Variants in SLC2A14 observed in about 807,000 individuals in gnomAD.
SLC2A14 encodes solute carrier family 2, facilitated glucose transporter member 14.
A neutral mutation model predicts 43.0 loss-of-function variants in SLC2A14; 13 were observed. The ratio of observed to expected loss-of-function variants is 0.30; its 90% CI spans 0.20 to 0.48. The LOEUF (loss-of-function observed/expected upper bound fraction) is 0.48, where lower values mean the gene tolerates loss of function less well. SLC2A14 is among the 20% of genes least tolerant of loss of function. The pLI, the probability that SLC2A14 is intolerant of heterozygous loss-of-function variation, is 0.99. For missense variants in SLC2A14, 428 were observed against 620.4 expected (o/e 0.69, Z 3.29); for synonymous variants, 190 against 233.8 (o/e 0.81, Z 1.71).
rs1863274034 is a variant in SLC2A14 at position 7,814,595 on chromosome 12, T to A, written c.1276-61A>T. The A allele has an allele frequency of 9.1e-6, 14 of 1,530,174 alleles. No homozygotes were observed. The South Asian group carries it at 1.6e-4, about 17-fold the overall frequency. 94.8% of individuals were successfully genotyped at this position (1,530,174 alleles called of 1,614,324 possible). On this transcript the variant is annotated intron_variant, in intron 10 of 10. Transcript: ENST00000431042. The stretch of plus-strand genomic sequence containing the variant: ...AAAATCTGGTCATTGACAAATACAA[T>A]TTCCTTCACATTCATATTTCCAATA...
chr12:7,831,675 A>C lies in SLC2A14; in HGVS notation c.201T>G (p.Ser67=), dbSNP rs1366670535. The change falls in exon 4 of 11, where the codon TCT becomes TCG. Residue 67 remains serine (S), a synonymous_variant. Coordinates refer to ENST00000431042, the MANE Select transcript of SLC2A14 (RefSeq NM_001286234.2). The part of the protein sequence containing the change: ...EVLLTNLWSL[S]VAIFSVGGMI... ...TACCCCCGACGGAAAATATGGCCAC[A>C]GACAAGGACCAGAGATTCGTGAGCA... 1 of 1,614,228 alleles carries C rather than the reference A, an allele frequency of 6.2e-7. No individual in the cohort carries two copies. The highest frequency in any genetic ancestry group is 2.2e-5 in the East Asian group (1 of 44,892).
chr12:7,880,390 G>A (rs1293751076), intron 1 of SLC2A14, among the ~76,000 whole-genome samples: 2 of 149,622 alleles, frequency 1.3e-5, no homozygotes, highest in African/African-American at 2.5e-5. Context: ...CAGGAGAATC[G>A]CTTGAACCCA....
chr12:7,826,875 TTC>T (rs1270285041), intron 7 of SLC2A14, among the ~76,000 whole-genome samples: 1,345 of 57,870 alleles, frequency 0.023, 131 homozygotes, highest in East Asian at 0.061. Context: ...CTTTCTTTCT[TTC>T]TTTCTTTCTT....
At chr12:7,851,211 T>A (rs922110256) in intron 2 of SLC2A14, among the ~76,000 whole-genome samples, 1 of 152,206 alleles carries the variant, frequency 6.6e-6, no homozygotes, top group African/African-American at 2.4e-5. Context: ...GTCTCAGTTC[T>A]CTAATTCTAG....
At chr12:7,881,489 A>C (rs1310094361) in intron 1 of SLC2A14, among the ~76,000 whole-genome samples, 5 of 151,878 alleles carry the variant, frequency 3.3e-5, no homozygotes, top group African/African-American at 1.2e-4. Flanking sequence ...GCTGCACTCG[A>C]TTTCTCCCCA....
rs778106607 is a variant in SLC2A14, at chr12:7,848,551, A to G, written c.19-15737T>C. Among the ~76,000 whole-genome samples the G allele has an allele frequency of 1.4e-3, 140 of 96,998 alleles. 1 individual carries two copies. The highest frequency in any genetic ancestry group is 4.9e-3 in the African/African-American group (127 of 25,880). 63.6% of individuals were successfully genotyped at this position (96,998 alleles called of 152,430 possible). On this transcript the variant is annotated intron_variant, in intron 2 of 10. Coordinates refer to ENST00000431042, the MANE Select transcript of SLC2A14 (RefSeq NM_001286234.2). Reference sequence around the variant, plus strand: ...CTAGCCACAAATTCTGCTTTTTCCAATTCCATTTTTTTTTTTTTTTGAGAC... The same window carrying G: ...CTAGCCACAAATTCTGCTTTTTCCAGTTCCATTTTTTTTTTTTTTTGAGAC...
chr12:7,883,411 C>T (rs1308212790), intron 1 of SLC2A14, among the ~76,000 whole-genome samples: 7 of 150,252 alleles, frequency 4.7e-5, no homozygotes, highest in African/African-American at 1.5e-4. Context: ...GGATTACAGG[C>T]GCCCGCCACC....
chr12:7,830,042 A>G, intron 4 of SLC2A14, 36 bp from the exon 5 acceptor site: 5 of 1,612,406 alleles, frequency 3.1e-6, no homozygotes, highest in Non-Finnish European at 4.2e-6. Flanking sequence ...GGAATTAGCA[A>G]AGTGAGAGGC....
chr12:7,817,820 A>G lies in SLC2A14; in HGVS notation c.1275+11T>C. Reference sequence around the variant, plus strand: ...GATACATAGATACATAGATAAGGTGAGTTTACTTACAGCAGCAGAGGGGAA... The same window carrying G: ...GATACATAGATACATAGATAAGGTGGGTTTACTTACAGCAGCAGAGGGGAA... On this transcript the variant is annotated intron_variant, in intron 10 of 10. Transcript: ENST00000431042. 6.2e-7 allele frequency: 1 copy of G among 1,614,046 alleles called. No individual in the cohort carries two copies. The highest frequency in any genetic ancestry group is 8.5e-7 in the Non-Finnish European group (1 of 1,179,934).
At chr12:7,855,773 GATTAC>G (rs1867314522) in intron 2 of SLC2A14, among the ~76,000 whole-genome samples, 1 of 151,722 alleles carries the variant, frequency 6.6e-6, no homozygotes, top group Non-Finnish European at 1.5e-5. Context: ...GAGTAGCTGG[GATTAC>G]AGGCTCACTC....
intron 8 of SLC2A14, among the ~76,000 whole-genome samples, chr12:7,820,471 C>A (rs6488684): frequency 0.99 from 150,752 of 152,210 alleles, 74,668 homozygotes; most frequent in Middle Eastern, 1. Flanking sequence ...AACCTGTGAG[C>A]TCTGATGCTA....
rs1259222785 is a variant in SLC2A14, at chr12:7,855,077, G to A, written c.18+14786C>T. On this transcript the variant is annotated intron_variant, in intron 2 of 10. Coordinates refer to ENST00000431042, the MANE Select transcript of SLC2A14 (RefSeq NM_001286234.2). The stretch of plus-strand genomic sequence containing the variant: ...CCCACCTCGGCCTCCCAAAGGGCTG[G>A]GATTACAGGCATGAGCCACCGCATC... Among the ~76,000 whole-genome samples, 7 of 152,008 alleles carry A rather than the reference G, an allele frequency of 4.6e-5. No homozygotes were observed. In the East Asian group the frequency reaches 1.4e-3, roughly 29 times the overall value.
intron 1 of SLC2A14, among the ~76,000 whole-genome samples, chr12:7,881,880 A>G (rs7956551): frequency 0.54 from 82,483 of 151,872 alleles, 22,901 homozygotes; most frequent in Admixed American, 0.65. Flanking sequence ...GAATGCATCA[A>G]TTGACACTCT....
At chr12:7,887,178 C>A (rs1271870091) in intron 1 of SLC2A14, among the ~76,000 whole-genome samples, 1 of 152,066 alleles carries the variant, frequency 6.6e-6, no homozygotes, top group Non-Finnish European at 1.5e-5. Flanking sequence ...TCCCAAAGTG[C>A]TGGGATTACA....
intron 1 of SLC2A14, chr12:7,871,899 G>A (rs1462632183): frequency 1.0e-6 from 1 of 984,822 alleles, no homozygotes; most frequent in Non-Finnish European, 1.2e-6. Context: ...TCGTGGGAGT[G>A]TGCTCAAGAA....
chr12:7,846,102 A>G (rs1469190627), intron 2 of SLC2A14, among the ~76,000 whole-genome samples: 3 of 150,148 alleles, frequency 2.0e-5, no homozygotes, highest in African/African-American at 7.3e-5. Context: ...AAACAAAAAA[A>G]AGAAAGAAAG....
chr12:7,850,207 G>T (rs1309935594), intron 2 of SLC2A14, among the ~76,000 whole-genome samples: 1 of 152,032 alleles, frequency 6.6e-6, no homozygotes, highest in Non-Finnish European at 1.5e-5. Flanking sequence ...CACATGTCTG[G>T]TGGTGGGCAG....
chr12:7,880,831 C>G (rs1945556593), intron 1 of SLC2A14, among the ~76,000 whole-genome samples: 1 of 151,196 alleles, frequency 6.6e-6, no homozygotes, highest in Admixed American at 6.6e-5. Flanking sequence ...ACACTGAAAC[C>G]CTGTCTCTAC....
At chr12:7,871,327 G>A (rs1945220033) in intron 1 of SLC2A14, 1 of 977,272 alleles carries the variant, frequency 1.0e-6, no homozygotes, top group Non-Finnish European at 1.3e-6. Flanking sequence ...TCAACTAGGT[G>A]GAGTTCACCT....
Sources: gnomAD v4.1 joint callset for allele counts (sites outside exome capture counted in the v4.1 genomes callset) on GRCh38, gnomAD v4.1.1 for gene constraint, MANE v1.5 for transcripts, NCBI Gene and HGNC (gene_info 2026-07-23, HGNC 2026-07-21) for gene names.